Variants in DCUN1D2 observed in about 807,000 individuals in gnomAD.
The protein encoded by DCUN1D2 is defective in cullin neddylation 1 domain containing 2.
Under a neutral mutation model 30.9 loss-of-function variants are expected in DCUN1D2, and 29 were observed. The ratio of observed to expected loss-of-function variants is 0.94; its 90% confidence interval spans 0.70 to 1.28. DCUN1D2 has a LOEUF of 1.28. DCUN1D2 is among the 50% of genes most tolerant of loss of function. The probability of loss-of-function intolerance (pLI) is 0.00; values close to 1 mark genes in which losing one functional copy is unlikely to be tolerated. For missense variants in DCUN1D2, 325 were observed against 316.9 expected (o/e 1.03, Z -0.19); for synonymous variants, 121 against 115.3 (o/e 1.05, Z -0.32).
At chr13:113,491,215 C>G (rs1454727487), upstream of DCUN1D2, 1 of 152,334 alleles carries the variant, frequency 6.6e-6, no homozygotes, top group East Asian at 1.9e-4. Flanking sequence ...AGAGCCCGGC[C>G]CAGGCCGCGG....
At chr13:113,487,819 T>A (rs1235825598) in intron 1 of DCUN1D2, among the ~76,000 whole-genome samples, 1 of 152,198 alleles carries the variant, frequency 6.6e-6, no homozygotes, top group Non-Finnish European at 1.5e-5. Context: ...ACCACTGAAT[T>A]GTACACTTTA....
intron 2 of DCUN1D2, 128 bp downstream of exon 2, chr13:113,483,712 G>A (rs1383201172): frequency 7.2e-6 from 6 of 834,328 alleles, no homozygotes; most frequent in African/African-American, 5.1e-5. Context: ...AGCGCCGAGC[G>A]CTGAGCGTGG....
At position 113,457,940 on chromosome 13, in the gene DCUN1D2, G is replaced by A. The variant is rs1261468578; in HGVS notation, c.*89C>T. ...CATGGCTGGTCAAGAATGACTTCTG[G>A]AATCAGCGACAATGCACCCAGGAAC... is the stretch of plus-strand genomic sequence containing the variant. On this transcript the variant is annotated 3_prime_UTR_variant, in exon 7 of 7. Coordinates refer to ENST00000478244, the MANE Select transcript of DCUN1D2 (RefSeq NM_001014283.2). 2.9e-5 allele frequency: 35 copies of A among 1,216,600 alleles called. No homozygotes were observed. Among genetic ancestry groups the A allele is most frequent in the Non-Finnish European group, 3.9e-5 (32 of 827,404 alleles). The allele number at this position is 1,216,600 out of a possible 1,614,324, so 75.4% of individuals were successfully genotyped here.
chr13:113,489,152 C>G, intron 1 of DCUN1D2: 1 of 985,398 alleles, frequency 1.0e-6, no homozygotes, highest in Non-Finnish European at 1.2e-6. Context: ...ATCACTTTCA[C>G]TCTGTTTCGG....
intron 1 of DCUN1D2, among the ~76,000 whole-genome samples, chr13:113,486,501 A>G (rs1447220965): frequency 6.6e-6 from 1 of 152,190 alleles, no homozygotes; most frequent in African/African-American, 2.4e-5. Flanking sequence ...AAGTTAGAAA[A>G]CAAAAAACAA....
At chr13:113,481,826 G>A (rs1212320331) in intron 2 of DCUN1D2, among the ~76,000 whole-genome samples, 1 of 145,896 alleles carries the variant, frequency 6.9e-6, no homozygotes, top group Non-Finnish European at 1.5e-5. Context: ...GGAGGTTGCA[G>A]TGAGCCAAGA....
chr13:113,467,041 C>T (rs1399529034), intron 4 of DCUN1D2, among the ~76,000 whole-genome samples: 1 of 152,032 alleles, frequency 6.6e-6, no homozygotes, highest in East Asian at 1.9e-4. Flanking sequence ...ATCTCCTGAC[C>T]TCGTGATCCG....
At chr13:113,464,052 A>C (rs1169593820) in intron 4 of DCUN1D2, among the ~76,000 whole-genome samples, 1 of 152,220 alleles carries the variant, frequency 6.6e-6, no homozygotes. Context: ...TTCTGTTTTT[A>C]AAAAGCCCTC....
At chr13:113,460,493 C>T (rs1050113333) in intron 5 of DCUN1D2, among the ~76,000 whole-genome samples, 2 of 152,244 alleles carry the variant, frequency 1.3e-5, no homozygotes, top group Admixed American at 6.5e-5. Context: ...GCAAGACGGG[C>T]TGGCATGACG....
At chr13:113,465,084 G>A (rs1307340582) in intron 4 of DCUN1D2, among the ~76,000 whole-genome samples, 1 of 152,130 alleles carries the variant, frequency 6.6e-6, no homozygotes, top group Non-Finnish European at 1.5e-5. Flanking sequence ...ACATTTAAAG[G>A]AAGTATCCCC....
chr13:113,490,293 G>A lies in DCUN1D2; in HGVS notation c.3+374C>T. On this transcript the variant is annotated intron_variant, in intron 1 of 6. Transcript: ENST00000478244. The surrounding 1 kb of genome is among the most constrained non-coding windows in gnomAD (Gnocchi z 5.2). Reference sequence around the variant, plus strand: ...AGCCTCAGCATCTGCACAGACGCCCGCAGGAGCAGCCGAGCCCTCGCCCGC... The same window carrying A: ...AGCCTCAGCATCTGCACAGACGCCCACAGGAGCAGCCGAGCCCTCGCCCGC... 5.1e-6 allele frequency: 1 copy of A among 197,980 alleles called. No homozygotes were observed. The highest frequency in any genetic ancestry group is 1.0e-5 in the Non-Finnish European group (1 of 98,062). The allele number at this position is 197,980 out of a possible 1,614,324, so 12.3% of individuals were successfully genotyped here. A position where few individuals can be genotyped will look rare whatever the true frequency, so the allele number is the denominator to read the frequency against.
chr13:113,478,445 C>T (rs1408326184), intron 3 of DCUN1D2, among the ~76,000 whole-genome samples: 1 of 151,900 alleles, frequency 6.6e-6, no homozygotes, highest in Non-Finnish European at 1.5e-5. Flanking sequence ...AAGCTTCTAG[C>T]TTTATTGATC....
At chr13:113,468,595 C>T (rs921378787) in intron 4 of DCUN1D2, among the ~76,000 whole-genome samples, 2 of 152,240 alleles carry the variant, frequency 1.3e-5, no homozygotes, top group South Asian at 2.1e-4. Flanking sequence ...AAACGCGAGA[C>T]GTGCCACGCT....
intron 3 of DCUN1D2, among the ~76,000 whole-genome samples, chr13:113,477,863 C>T (rs2044644483): frequency 6.6e-6 from 1 of 152,160 alleles, no homozygotes; most frequent in African/African-American, 2.4e-5. Context: ...ATAACCAACT[C>T]TGTCATGATG....
At chr13:113,467,016 G>A (rs947372351) in intron 4 of DCUN1D2, among the ~76,000 whole-genome samples, 10 of 151,996 alleles carry the variant, frequency 6.6e-5, no homozygotes, top group Non-Finnish European at 1.3e-4. Context: ...CACCATGTTG[G>A]CCAGGGTGGT....
At chr13:113,485,323 ATAACT>A (rs936349373) in intron 1 of DCUN1D2, among the ~76,000 whole-genome samples, 5 of 152,230 alleles carry the variant, frequency 3.3e-5, no homozygotes, top group African/African-American at 9.6e-5. Context: ...GATTTATAAC[ATAACT>A]TAACAAAAGT....
At chr13:113,480,373 T>A in intron 3 of DCUN1D2, 1 of 446,018 alleles carries the variant, frequency 2.2e-6, no homozygotes, top group East Asian at 3.6e-5. Context: ...AAAATAAAAA[T>A]GTGAAATGAA....
rs2044326893 is a variant in DCUN1D2 at position 113,462,079 on chromosome 13, C to T, written c.521-943G>A. On this transcript the variant is annotated intron_variant, in intron 4 of 6. Coordinates refer to ENST00000478244, the MANE Select transcript of DCUN1D2 (RefSeq NM_001014283.2). ...ACCAGCCTGACCAACATGGAGAAAC[C>T]CCGTCTCTACTAAAAATACAAAATT... is the stretch of plus-strand genomic sequence containing the variant. Among the ~76,000 whole-genome samples, 4 of 151,944 alleles carry T rather than the reference C, an allele frequency of 2.6e-5. No individual in the cohort carries two copies. The South Asian group carries it at 8.3e-4, about 32-fold the overall frequency.
rs931866994 is a variant in DCUN1D2, at chr13:113,480,845, G to C, written c.221-102C>G. 8 of 1,251,772 alleles carry C rather than the reference G, an allele frequency of 6.4e-6. No homozygotes were observed. The Admixed American group carries it at 1.2e-4, about 18-fold the overall frequency. The allele number at this position is 1,251,772 out of a possible 1,614,324, so 77.5% of individuals were successfully genotyped here. ...CATTCGATTATACTACATAGTTCTA[G>C]CAAGCGTGTTTCCAATACATCAATC... On this transcript the variant is annotated intron_variant, in intron 2 of 6. Coordinates refer to ENST00000478244, the MANE Select transcript of DCUN1D2 (RefSeq NM_001014283.2).
Sources: allele counts gnomAD v4.1 joint callset (sites outside exome capture counted in the v4.1 genomes callset), GRCh38; gene constraint gnomAD v4.1.1; non-coding constraint Gnocchi (gnomAD v3.1); transcripts MANE v1.5; gene names NCBI Gene and HGNC (gene_info 2026-07-23, HGNC 2026-07-21).